EPHA3: variants seen among roughly 807,000 people sequenced by gnomAD.
EPHA3 encodes the protein EPH receptor A3.
EPHA3 carries 42 observed loss-of-function variants against 107.1 expected under a neutral mutation model. That is an observed-to-expected ratio of 0.39 (90% CI 0.31 to 0.51). The LOEUF is 0.51. Among genes scored for constraint, EPHA3 ranks in the 20% least tolerant of loss-of-function variants. EPHA3 has a pLI of 0.78. For missense variants in EPHA3, 1,183 were observed against 1,211.2 expected, an observed-to-expected ratio of 0.98 and a Z score of 0.35; for synonymous variants, 461 against 424.8, an observed-to-expected ratio of 1.09 and a Z score of -1.05.
intron 3 of EPHA3, among the ~76,000 whole-genome samples, chr3:89,254,457 G>C (rs1327646526): frequency 6.6e-6 from 1 of 152,104 alleles, no homozygotes; most frequent in Non-Finnish European, 1.5e-5. Flanking sequence ...AGGCCAAAAT[G>C]CTTCAGGCAC....
chr3:89,120,821 A>G (rs1314958603), intron 1 of EPHA3, among the ~76,000 whole-genome samples: 2 of 152,352 alleles, frequency 1.3e-5, no homozygotes, highest in East Asian at 3.9e-4. Flanking sequence ...ATTGCCCAGG[A>G]GAAAAAGCTA....
intron 5 of EPHA3, among the ~76,000 whole-genome samples, chr3:89,357,837 C>T (rs1448274522): frequency 6.6e-6 from 1 of 151,098 alleles, no homozygotes; most frequent in Non-Finnish European, 1.5e-5. Context: ...TTTAATTTGA[C>T]ATTTTTATAT....
chr3:89,317,095 T>C (rs540655229), intron 3 of EPHA3, among the ~76,000 whole-genome samples: 1 of 151,928 alleles, frequency 6.6e-6, no homozygotes, highest in African/African-American at 2.4e-5. Context: ...CGTTAAATTA[T>C]TCTATAATTA....
intron 15 of EPHA3, among the ~76,000 whole-genome samples, chr3:89,467,036 G>A (rs2107570079): frequency 6.6e-6 from 1 of 152,132 alleles, no homozygotes; most frequent in Non-Finnish European, 1.5e-5. Context: ...TTCCTGTTGG[G>A]AACTGTATAT....
At position 89,413,172 on chromosome 3, in the gene EPHA3, C is replaced by A. The variant is rs764484971; in HGVS notation, c.1794C>A (p.Asp598Glu). 1 of 1,611,632 alleles carries A rather than the reference C, an allele frequency of 6.2e-7. No homozygotes were observed. Among genetic ancestry groups the A allele is most frequent in the Non-Finnish European group, 8.5e-7 (1 of 1,178,328 alleles). The change falls in exon 10 of 17, where the codon GAC becomes GAA. Residue 598 changes from aspartate to glutamate, a missense_variant. Asp to Glu is a conservative substitution (Grantham distance 45, BLOSUM62 2). Coordinates refer to ENST00000336596, the MANE Select transcript of EPHA3 (RefSeq NM_005233.6). ...LKLPGLRTYV[D>E]PHTYEDPTQA... ...TTCCAGGTCTCAGGACTTATGTTGACCCACATACATATGAAGACCCTACCC... is the reference window on the plus strand; with the variant it reads ...TTCCAGGTCTCAGGACTTATGTTGAACCACATACATATGAAGACCCTACCC...
rs547714762 is a variant in EPHA3, at chr3:89,411,282, A to G, written c.1763-1859A>G. Among the ~76,000 whole-genome samples, 198 of 151,982 alleles carry G rather than the reference A, an allele frequency of 1.3e-3. 1 individual carries two copies. Among genetic ancestry groups the G allele is most frequent in the Non-Finnish European group, 1.3e-3 (86 of 67,888 alleles). ...CTCCACTCAGAGTTTGTCCAAAGCA[A>G]GGGACAGAACTTGTATTTCCCCATT... On this transcript the variant is annotated intron_variant, in intron 9 of 16. Transcript: ENST00000336596.
chr3:89,466,993 T>C (rs1028687468), intron 15 of EPHA3, among the ~76,000 whole-genome samples: 4 of 152,142 alleles, frequency 2.6e-5, no homozygotes, highest in Admixed American at 6.5e-5. Flanking sequence ...ACAATGACTT[T>C]ATTTCTCCTT....
rs748693901 is a variant in EPHA3, at chr3:89,127,202, A to G, written c.89-7A>G. 6.2e-7 allele frequency: 1 copy of G among 1,608,596 alleles called. No homozygotes were observed. Among genetic ancestry groups the G allele is most frequent in the South Asian group, 1.1e-5 (1 of 90,896 alleles). ...TAACTGTGTTTGTGTATTATGTTTT[A>G]TTTTAGTCAATCTACTGGATTCAAA... is the stretch of plus-strand genomic sequence containing the variant. On this transcript the variant is annotated splice_polypyrimidine_tract_variant and splice_region_variant and intron_variant, in intron 1 of 16. Transcript: ENST00000336596.
chr3:89,183,502 T>C (rs1012185768), intron 2 of EPHA3, among the ~76,000 whole-genome samples: 9 of 151,966 alleles, frequency 5.9e-5, no homozygotes, highest in African/African-American at 1.9e-4. Flanking sequence ...AGGACCTTTA[T>C]AAATCACCTT....
intron 3 of EPHA3, among the ~76,000 whole-genome samples, chr3:89,326,702 GT>G (rs796141834): frequency 1.4e-3 from 201 of 146,542 alleles, no homozygotes; most frequent in Non-Finnish European, 1.1e-3. Flanking sequence ...TGACTAGCCA[GT>G]TTTTTTTTTT....
intron 3 of EPHA3, among the ~76,000 whole-genome samples, chr3:89,294,477 T>C (rs1351438526): frequency 6.6e-6 from 1 of 152,026 alleles, no homozygotes; most frequent in African/African-American, 2.4e-5. Context: ...GTTTCATTTA[T>C]TCCTTGAACT....
At chr3:89,164,552 C>A (rs1218042862) in intron 2 of EPHA3, among the ~76,000 whole-genome samples, 1 of 152,256 alleles carries the variant, frequency 6.6e-6, no homozygotes, top group South Asian at 2.1e-4. Flanking sequence ...CTGCTTCCAC[C>A]CAGACTTGCT....
intron 3 of EPHA3, among the ~76,000 whole-genome samples, chr3:89,236,763 TC>T (rs1452121928): frequency 3.3e-5 from 5 of 152,166 alleles, no homozygotes; most frequent in Non-Finnish European, 7.3e-5. Context: ...TAAATTCACA[TC>T]TATAATAGTA....
chr3:89,339,379 A>G (rs954068278), intron 3 of EPHA3, among the ~76,000 whole-genome samples: 7 of 151,304 alleles, frequency 4.6e-5, no homozygotes, highest in Admixed American at 1.3e-4. Context: ...TCAAAAAAAA[A>G]AAAAAAAAAA....
At chr3:89,119,587 T>A (rs2106956624) in intron 1 of EPHA3, among the ~76,000 whole-genome samples, 1 of 152,248 alleles carries the variant, frequency 6.6e-6, no homozygotes, top group Admixed American at 6.5e-5. Context: ...TCCATCAAAT[T>A]TGTATTGTCA....
chr3:89,370,808 G>T (rs1708285940), intron 5 of EPHA3, among the ~76,000 whole-genome samples: 1 of 151,586 alleles, frequency 6.6e-6, no homozygotes, highest in Non-Finnish European at 1.5e-5. Flanking sequence ...AAGTATAGGA[G>T]AAACTAAAAA....
At chr3:89,395,736 C>T (rs1250852228) in intron 5 of EPHA3, 101 bp from the exon 6 acceptor site, 2 of 1,377,490 alleles carry the variant, frequency 1.5e-6, no homozygotes, top group Admixed American at 4.0e-5. Context: ...CAATGATAGA[C>T]TCCATTTGCA....
At chr3:89,178,996 G>A (rs1245392679) in intron 2 of EPHA3, among the ~76,000 whole-genome samples, 4 of 151,664 alleles carry the variant, frequency 2.6e-5, no homozygotes, top group Non-Finnish European at 4.4e-5. Context: ...AATGTGGGAT[G>A]TTTTTCTAAA....
At chr3:89,390,600 CAA>C (rs34753229) in intron 5 of EPHA3, among the ~76,000 whole-genome samples, 57 of 114,160 alleles carry the variant, frequency 5.0e-4, no homozygotes, top group Middle Eastern at 5.3e-3. Context: ...ACTCCGTTTC[CAA>C]AAAAAAAAAA....
Sources: allele counts gnomAD v4.1 joint callset (sites outside exome capture counted in the v4.1 genomes callset), GRCh38; gene constraint gnomAD v4.1.1; transcripts MANE v1.5; gene names NCBI Gene and HGNC (gene_info 2026-07-23, HGNC 2026-07-21).